Variants in AKAP6 observed in about 807,000 individuals in gnomAD.
The protein encoded by AKAP6 is A-kinase anchor protein 6.
In AKAP6, 58 loss-of-function variants were observed where a neutral mutation model predicts 188.5. The observed-to-expected ratio is 0.31, with a 90% confidence interval of 0.25 to 0.38. The LOEUF (loss-of-function observed/expected upper bound fraction) is 0.38. Ranked by LOEUF, AKAP6 falls within the 10% of genes least tolerant of loss-of-function variation. The pLI is 1.00. For missense variants in AKAP6, 2,710 were observed against 2,740.0 expected, an observed-to-expected ratio of 0.99 and a Z score of 0.24; for synonymous variants, 989 against 998.6, an observed-to-expected ratio of 0.99 and a Z score of 0.18.
At chr14:32,704,392 T>C (rs1451405922) in intron 9 of AKAP6, among the ~76,000 whole-genome samples, 1 of 152,194 alleles carries the variant, frequency 6.6e-6, no homozygotes, top group African/African-American at 2.4e-5. Flanking sequence ...TAGATTTCTT[T>C]CTAGTTTCTA....
chr14:32,615,167 C>CAAAAAAAAAA (rs71115086), intron 7 of AKAP6, among the ~76,000 whole-genome samples: 1,178 of 53,404 alleles, frequency 0.022, 229 homozygotes, highest in African/African-American at 0.072. Flanking sequence ...GACTCTGTCT[C>CAAAAAAAAAA]AAAAAAAAAA....
chr14:32,692,021 G>A (rs1398052475), intron 8 of AKAP6, among the ~76,000 whole-genome samples: 2 of 152,210 alleles, frequency 1.3e-5, no homozygotes, highest in African/African-American at 4.8e-5. Context: ...AGAATTTGTT[G>A]TTTAGCACAT....
chr14:32,538,472 T>C (rs1032461434), intron 3 of AKAP6, among the ~76,000 whole-genome samples: 3 of 152,070 alleles, frequency 2.0e-5, no homozygotes, highest in Non-Finnish European at 4.4e-5. Context: ...CTCTGGAGAG[T>C]GGCAAATTCC....
At chr14:32,821,005 C>T (rs1179270794) in intron 12 of AKAP6, among the ~76,000 whole-genome samples, 1 of 152,130 alleles carries the variant, frequency 6.6e-6, no homozygotes, top group Non-Finnish European at 1.5e-5. Context: ...GACTCCAGAA[C>T]TGAAATAGTA....
intron 4 of AKAP6, among the ~76,000 whole-genome samples, chr14:32,559,757 T>A (rs975330439): frequency 7.9e-5 from 12 of 151,180 alleles, no homozygotes; most frequent in African/African-American, 2.7e-4. Context: ...ACAGTTGCGG[T>A]TGGGAGGTAG....
intron 2 of AKAP6, among the ~76,000 whole-genome samples, chr14:32,507,589 G>A (rs1383395443): frequency 3.4e-5 from 5 of 148,280 alleles, no homozygotes; most frequent in African/African-American, 7.5e-5. Context: ...TCCTACACAC[G>A]CAGCAAGGTA....
chr14:32,754,429 CAT>C (rs1265805911), intron 11 of AKAP6, among the ~76,000 whole-genome samples: 1 of 152,114 alleles, frequency 6.6e-6, no homozygotes, highest in Non-Finnish European at 1.5e-5. Context: ...TCACAATTCA[CAT>C]ATCTTACATA....
At chr14:32,828,723 G>T (rs1332221767) in intron 13 of AKAP6, among the ~76,000 whole-genome samples, 1 of 152,192 alleles carries the variant, frequency 6.6e-6, no homozygotes, top group Non-Finnish European at 1.5e-5. Flanking sequence ...TCTGTGGCCA[G>T]ATTTCAAATG....
intron 11 of AKAP6, among the ~76,000 whole-genome samples, 179 bp from the exon 12 acceptor site, chr14:32,773,499 G>A (rs764557369): frequency 2.0e-5 from 3 of 152,138 alleles, no homozygotes; most frequent in Non-Finnish European, 4.4e-5. Flanking sequence ...AAATTCTTTA[G>A]CATATTGGAC....
At chr14:32,657,806 A>T (rs1888515921) in intron 7 of AKAP6, among the ~76,000 whole-genome samples, 1 of 150,638 alleles carries the variant, frequency 6.6e-6, no homozygotes. Context: ...CTTCTATTCC[A>T]TATAATGATG....
At chr14:32,359,674 G>A (rs1887597219) in intron 1 of AKAP6, among the ~76,000 whole-genome samples, 1 of 149,444 alleles carries the variant, frequency 6.7e-6, no homozygotes, top group African/African-American at 2.5e-5. Flanking sequence ...ATGGTAATTT[G>A]TCTGTCTTTC....
intron 1 of AKAP6, among the ~76,000 whole-genome samples, chr14:32,339,223 G>A (rs372040788): frequency 1.3e-5 from 2 of 152,108 alleles, no homozygotes; most frequent in Non-Finnish European, 2.9e-5. Flanking sequence ...CATTTGTTAC[G>A]AGAGTAAATG....
At chr14:32,655,124 C>T (rs961370201) in intron 7 of AKAP6, among the ~76,000 whole-genome samples, 26 of 152,010 alleles carry the variant, frequency 1.7e-4, no homozygotes, top group African/African-American at 5.8e-4. Context: ...TATCAGGAGA[C>T]GAGTGAATAT....
chr14:32,398,787 TCTCTCTCTCTCTCTCTCCCCCTCCCC>T (rs201315244), intron 1 of AKAP6, among the ~76,000 whole-genome samples: 750 of 14,730 alleles, frequency 0.051, 61 homozygotes, highest in East Asian at 0.49. Flanking sequence ...CTTTTCTCTC[TCTCTCTCTCTCTCTCTCCCCCTCCCC>T]CTCTCTCCCT....
Position 32,545,329 on chromosome 14 carries a change from G to A in AKAP6, c.676G>A (p.Glu226Lys), listed in dbSNP as rs868161302. 1.2e-6 allele frequency: 2 copies of A among 1,613,984 alleles called. No homozygotes were observed. The highest frequency in any genetic ancestry group is 2.2e-5 in the East Asian group (1 of 44,894). ...TCTGGATTGTGGCATTACTGCATTC[G>A]AACTGTCTGACTACAGTCCAAGTGA... Reference protein sequence around the residue: ...LSLDCGITAFELSDYSPSEDL... With the variant: ...LSLDCGITAFKLSDYSPSEDL... Residue 226 changes from glutamate (E) to lysine (K), a missense_variant, in exon 4 of 14, where the codon GAA (glutamate) becomes AAA (lysine). Glu to Lys is a moderately conservative substitution (Grantham distance 56). Coordinates refer to ENST00000280979, the MANE Select transcript of AKAP6 (RefSeq NM_004274.5).
intron 7 of AKAP6, among the ~76,000 whole-genome samples, chr14:32,603,349 C>T (rs1159713100): frequency 6.6e-6 from 1 of 152,024 alleles, no homozygotes; most frequent in Non-Finnish European, 1.5e-5. Context: ...AATGAAAGAG[C>T]TATGTTGAAA....
chr14:32,468,991 C>G (rs2138853498), intron 2 of AKAP6, among the ~76,000 whole-genome samples: 1 of 152,244 alleles, frequency 6.6e-6, no homozygotes, highest in South Asian at 2.1e-4. Context: ...GTCCTAAACT[C>G]TACAGTAATG....
intron 2 of AKAP6, among the ~76,000 whole-genome samples, chr14:32,510,412 A>ACATATATATATGTG (rs1881144979): frequency 1.1e-5 from 1 of 92,108 alleles, no homozygotes; most frequent in African/African-American, 4.7e-5. Context: ...ATGTATATAT[A>ACATATATATATGTG]TGTATATATA....
chr14:32,472,448 CTAT>C (rs1878835003), intron 2 of AKAP6, among the ~76,000 whole-genome samples: 1 of 152,152 alleles, frequency 6.6e-6, no homozygotes, highest in African/African-American at 2.4e-5. Flanking sequence ...AGTGTTTTCT[CTAT>C]TATTACTAAA....
Sources: allele counts gnomAD v4.1 joint callset (sites outside exome capture counted in the v4.1 genomes callset), GRCh38; gene constraint gnomAD v4.1.1; transcripts MANE v1.5; gene names NCBI Gene and HGNC (gene_info 2026-07-23, HGNC 2026-07-21).